PLA2G4A: variants seen among roughly 807,000 people sequenced by gnomAD.
PLA2G4A encodes cytosolic phospholipase A2.
A neutral mutation model predicts 81.9 loss-of-function variants in PLA2G4A; 40 were observed. That is an observed-to-expected ratio of 0.49 (90% CI 0.38 to 0.64). The LOEUF is 0.64. Ranked by LOEUF, PLA2G4A falls within the 30% of genes least tolerant of loss-of-function variation. PLA2G4A has a pLI of 0.00. For missense variants in PLA2G4A, 715 were observed against 905.1 expected, an observed-to-expected ratio of 0.79 and a Z score of 2.69; for synonymous variants, 302 against 296.9, an observed-to-expected ratio of 1.02 and a Z score of -0.18.
chr1:186,914,454 A>G (rs983427284), intron 7 of PLA2G4A, among the ~76,000 whole-genome samples: 1 of 149,496 alleles, frequency 6.7e-6, no homozygotes, highest in Non-Finnish European at 1.5e-5. Flanking sequence ...GAGCATCGGC[A>G]AGACTCCTGT....
intron 17 of PLA2G4A, among the ~76,000 whole-genome samples, chr1:186,986,923 G>A (rs1004863865): frequency 9.9e-5 from 15 of 152,074 alleles, no homozygotes; most frequent in Admixed American, 2.6e-4. Context: ...AAGAAAAGTG[G>A]GATCAGCAAA....
At chr1:186,949,297 A>AAAAC in intron 12 of PLA2G4A, among the ~76,000 whole-genome samples, 1 of 151,030 alleles carries the variant, frequency 6.6e-6, no homozygotes, top group South Asian at 2.1e-4. Flanking sequence ...AAAAGAAGGA[A>AAAAC]AAAGAAAGAA....
chr1:186,874,450 A>G (rs753476199), intron 3 of PLA2G4A, among the ~76,000 whole-genome samples: 1 of 152,066 alleles, frequency 6.6e-6, no homozygotes, highest in Non-Finnish European at 1.5e-5. Flanking sequence ...TATTAGAGCC[A>G]TGTTTCACTC....
chr1:186,909,064 C>T (rs1241829863), intron 6 of PLA2G4A, among the ~76,000 whole-genome samples: 3 of 147,432 alleles, frequency 2.0e-5, no homozygotes, highest in Non-Finnish European at 4.5e-5. Context: ...AGCTCTGCCT[C>T]CCAGGTTCAC....
chr1:186,837,075 G>C (rs1651802204), intron 1 of PLA2G4A, among the ~76,000 whole-genome samples: 1 of 152,112 alleles, frequency 6.6e-6, no homozygotes, highest in South Asian at 2.1e-4. Context: ...TGGAAAACCA[G>C]GTATTAGGGT....
chr1:186,934,806 T>C lies in PLA2G4A; in HGVS notation c.695+1907T>C, dbSNP rs77841580. Among the ~76,000 whole-genome samples, 4 of 152,070 alleles carry C rather than the reference T, an allele frequency of 2.6e-5. No homozygotes were observed. The East Asian group carries it at 5.8e-4, about 22-fold the overall frequency. ...TGCTTCTTTCTAATTGTTCCTATCA[T>C]GCCTTTTCAGTTTTATTTCATCCTC... On this transcript the variant is annotated intron_variant, in intron 8 of 17. Coordinates refer to ENST00000367466, the MANE Select transcript of PLA2G4A (RefSeq NM_024420.3).
chr1:186,936,819 T>C (rs1365150553), intron 8 of PLA2G4A, among the ~76,000 whole-genome samples: 3 of 151,986 alleles, frequency 2.0e-5, no homozygotes, highest in Non-Finnish European at 1.5e-5. Context: ...CATATAAATA[T>C]GTTGAAAAAT....
chr1:186,979,349 C>A lies in PLA2G4A; in HGVS notation c.1995C>A (p.Ile665=). 6.2e-7 allele frequency: 1 copy of A among 1,611,704 alleles called. No individual in the cohort carries two copies. Among genetic ancestry groups the A allele is most frequent in the Non-Finnish European group, 8.5e-7 (1 of 1,177,834 alleles). Residue 665 remains isoleucine, a synonymous_variant, in exon 17 of 18, where the codon ATC becomes ATA. Transcript: ENST00000367466. Reference sequence around the variant, plus strand: ...GGGAAACTGAGGAAGAGAAAGAAATCGCTGACTTTGATATTTTTGATGACC... The same window carrying A: ...GGGAAACTGAGGAAGAGAAAGAAATAGCTGACTTTGATATTTTTGATGACC... ...VPRETEEEKE[I]ADFDIFDDPE... is the part of the protein sequence containing the mutation.
rs1557881168 is a variant in PLA2G4A at position 186,934,457 on chromosome 1, T to TAC, written c.695+1559_695+1560insCA. Among the ~76,000 whole-genome samples the TAC allele has an allele frequency of 8.1e-4, 83 of 102,044 alleles. 1 individual carries two copies. In the East Asian group the frequency reaches 8.9e-3, roughly 11 times the overall value. The allele number at this position is 102,044 out of a possible 152,430, so 66.9% of individuals were successfully genotyped here. A position where few individuals can be genotyped will look rare whatever the true frequency, so the allele number is the denominator to read the frequency against. ...TTAAATGTGCACATATATATATATA[T>TAC]ATATATACATACACAGAGAGAGTAA... On this transcript the variant is annotated intron_variant, in intron 8 of 17. Coordinates refer to ENST00000367466, the MANE Select transcript of PLA2G4A (RefSeq NM_024420.3).
chr1:186,954,504 G>T (rs1656673331), intron 13 of PLA2G4A, among the ~76,000 whole-genome samples: 1 of 151,844 alleles, frequency 6.6e-6, no homozygotes. Flanking sequence ...TGAGTTGATG[G>T]GTGCAGCAAA....
At chr1:186,858,937 G>T (rs1211592926) in intron 2 of PLA2G4A, among the ~76,000 whole-genome samples, 1 of 151,254 alleles carries the variant, frequency 6.6e-6, no homozygotes, top group Non-Finnish European at 1.5e-5. Flanking sequence ...GTGTGTGTGT[G>T]TGTAAATTGT....
At chr1:186,834,212 G>GA (rs1006219216) in intron 1 of PLA2G4A, among the ~76,000 whole-genome samples, 10 of 149,680 alleles carry the variant, frequency 6.7e-5, no homozygotes, top group East Asian at 3.9e-4. Context: ...TATCTAGTTT[G>GA]AAAAAAAAAT....
At chr1:186,938,278 G>C (rs1656025305) in intron 8 of PLA2G4A, among the ~76,000 whole-genome samples, 1 of 152,094 alleles carries the variant, frequency 6.6e-6, no homozygotes, top group African/African-American at 2.4e-5. Flanking sequence ...TTGGTTCACA[G>C]GTAGGAGCAC....
chr1:186,959,296 T>C (rs1391725215), intron 14 of PLA2G4A, among the ~76,000 whole-genome samples: 1 of 152,136 alleles, frequency 6.6e-6, no homozygotes, highest in Admixed American at 6.6e-5. Context: ...CTTCATTTAG[T>C]GCCCTTTGAA....
chr1:186,988,610 A>G lies in PLA2G4A; in HGVS notation c.*102A>G. ...AGTACAGATAGTCGTACTGATCATG[A>G]GAGACTGGCTGATACTCAAAGTTGC... On this transcript the variant is annotated 3_prime_UTR_variant, in exon 18 of 18. Coordinates refer to ENST00000367466, the MANE Select transcript of PLA2G4A (RefSeq NM_024420.3). 1 of 1,013,458 alleles carries G rather than the reference A, an allele frequency of 9.9e-7. No individual in the cohort carries two copies. The highest frequency in any genetic ancestry group is 1.5e-6 in the Non-Finnish European group (1 of 645,162). 62.8% of individuals were successfully genotyped at this position (1,013,458 alleles called of 1,614,324 possible).
intron 3 of PLA2G4A, chr1:186,870,846 T>C: frequency 1.5e-6 from 1 of 683,660 alleles, no homozygotes; most frequent in Non-Finnish European, 2.5e-6. Flanking sequence ...CTTCTTCAAA[T>C]GTGGTTATGT....
chr1:186,894,010 AT>A, intron 4 of PLA2G4A, 87 bp from the exon 5 acceptor site: 1 of 735,512 alleles, frequency 1.4e-6, no homozygotes, highest in East Asian at 2.6e-5. Flanking sequence ...TGAGAGCTTC[AT>A]TTTTTTAAAT....
At chr1:186,962,885 A>G (rs1357740906) in intron 14 of PLA2G4A, among the ~76,000 whole-genome samples, 2 of 152,196 alleles carry the variant, frequency 1.3e-5, no homozygotes, top group Admixed American at 6.5e-5. Flanking sequence ...GCCACTTTCT[A>G]AAGTAATAGT....
intron 2 of PLA2G4A, among the ~76,000 whole-genome samples, chr1:186,867,368 T>G (rs563673904): frequency 3.9e-5 from 6 of 152,304 alleles, no homozygotes; most frequent in Admixed American, 1.3e-4. Flanking sequence ...AGTTCTTCCT[T>G]GATTTATTTC....
Sources: allele counts gnomAD v4.1 joint callset (sites outside exome capture counted in the v4.1 genomes callset), GRCh38; gene constraint gnomAD v4.1.1; transcripts MANE v1.5; gene names NCBI Gene and HGNC (gene_info 2026-07-23, HGNC 2026-07-21).